SH3RF1: variants seen among roughly 807,000 people sequenced by gnomAD.
SH3RF1 encodes the protein E3 ubiquitin-protein ligase SH3RF1.
A neutral mutation model predicts 74.0 loss-of-function variants in SH3RF1; 32 were observed. The observed-to-expected ratio is 0.43, with a 90% CI of 0.33 to 0.58. The LOEUF is 0.58. Ranked by LOEUF, SH3RF1 falls within the 20% of genes least tolerant of loss-of-function variation. The pLI is 0.05. For synonymous variants in SH3RF1, 396 were observed against 439.6 expected, an observed-to-expected ratio of 0.90 and a Z score of 1.24; for missense variants, 954 against 1,130.9, an observed-to-expected ratio of 0.84 and a Z score of 2.24.
chr4:169,243,163 C>A (rs548923740), intron 2 of SH3RF1, among the ~76,000 whole-genome samples: 1 of 152,134 alleles, frequency 6.6e-6, no homozygotes, highest in Non-Finnish European at 1.5e-5. Context: ...ATGTTATTCT[C>A]ATTACAACTA....
intron 5 of SH3RF1, among the ~76,000 whole-genome samples, chr4:169,131,854 T>C (rs1257766021): frequency 1.3e-5 from 2 of 152,230 alleles, no homozygotes; most frequent in Admixed American, 6.5e-5. Flanking sequence ...TTTGTTTGCA[T>C]AGAAGTGCAA....
intron 2 of SH3RF1, among the ~76,000 whole-genome samples, chr4:169,236,475 A>C (rs1220132826): frequency 1.3e-5 from 2 of 152,220 alleles, no homozygotes; most frequent in Non-Finnish European, 2.9e-5. Context: ...GTTGTTTCTT[A>C]CTATTCCATA....
intron 2 of SH3RF1, among the ~76,000 whole-genome samples, chr4:169,191,546 C>A (rs1734710259): frequency 6.6e-6 from 1 of 152,006 alleles, no homozygotes; most frequent in Admixed American, 6.6e-5. Flanking sequence ...AAAAACAATT[C>A]TATAATTCAT....
chr4:169,166,072 A>G (rs1432701539), intron 2 of SH3RF1, among the ~76,000 whole-genome samples: 1 of 152,000 alleles, frequency 6.6e-6, no homozygotes, highest in Non-Finnish European at 1.5e-5. Flanking sequence ...TAAATTAACC[A>G]TAAGTTGACA....
intron 4 of SH3RF1, among the ~76,000 whole-genome samples, chr4:169,138,778 A>T (rs1400372781): frequency 6.6e-6 from 1 of 152,116 alleles, no homozygotes. Flanking sequence ...TATATTCAAC[A>T]TTGTGTTAGT....
chr4:169,137,285 G>C (rs996490546), intron 4 of SH3RF1, among the ~76,000 whole-genome samples: 5 of 152,140 alleles, frequency 3.3e-5, no homozygotes, highest in African/African-American at 4.8e-5. Flanking sequence ...TGAAATTCAA[G>C]TCCTATTGGC....
chr4:169,168,858 A>C (rs1734284754), intron 2 of SH3RF1, among the ~76,000 whole-genome samples: 1 of 152,192 alleles, frequency 6.6e-6, no homozygotes, highest in South Asian at 2.1e-4. Context: ...TAGGGGTGGA[A>C]TCTCAATAAT....
chr4:169,184,596 G>A (rs967099857), intron 2 of SH3RF1, among the ~76,000 whole-genome samples: 4 of 152,052 alleles, frequency 2.6e-5, no homozygotes, highest in Non-Finnish European at 4.4e-5. Flanking sequence ...TTCAATCCAC[G>A]GAGACCACTA....
intron 2 of SH3RF1, among the ~76,000 whole-genome samples, chr4:169,190,067 G>A (rs1734673636): frequency 6.6e-6 from 1 of 152,116 alleles, no homozygotes; most frequent in Non-Finnish European, 1.5e-5. Context: ...ATGGGACACA[G>A]CAAAAGGCAG....
At chr4:169,218,657 A>G (rs190460755) in intron 2 of SH3RF1, among the ~76,000 whole-genome samples, 17 of 151,746 alleles carry the variant, frequency 1.1e-4, no homozygotes, top group African/African-American at 3.9e-4. Flanking sequence ...CACCATCTCA[A>G]TCTAAAATGC....
At chr4:169,102,618 A>T (rs534803649) in intron 11 of SH3RF1, among the ~76,000 whole-genome samples, 1 of 151,522 alleles carries the variant, frequency 6.6e-6, no homozygotes, top group Non-Finnish European at 1.5e-5. Context: ...GCAATTTCCT[A>T]ATTATTTTTT....
intron 2 of SH3RF1, among the ~76,000 whole-genome samples, chr4:169,225,367 A>G (rs370898195): frequency 6.6e-6 from 1 of 152,188 alleles, no homozygotes; most frequent in East Asian, 1.9e-4. Flanking sequence ...ATTGTTTGGG[A>G]GTTATCAGCA....
At chr4:169,201,146 A>T (rs944954434) in intron 2 of SH3RF1, among the ~76,000 whole-genome samples, 42 of 152,352 alleles carry the variant, frequency 2.8e-4, no homozygotes, top group African/African-American at 9.9e-4. Context: ...CAATATTTTT[A>T]AAATTAACAT....
intron 11 of SH3RF1, among the ~76,000 whole-genome samples, chr4:169,104,297 T>TGGAG (rs983279295): frequency 4.0e-5 from 6 of 151,880 alleles, no homozygotes; most frequent in Non-Finnish European, 7.4e-5. Context: ...GATCAATGCC[T>TGGAG]GGAGGGAGGG....
At chr4:169,219,996 C>G (rs1730537726) in intron 2 of SH3RF1, 1 of 148,338 alleles carries the variant, frequency 6.7e-6, no homozygotes, top group Admixed American at 7.0e-5. Flanking sequence ...CTCTAAATTA[C>G]AGGAAAGACA....
chr4:169,145,057 C>G (rs1733851402), intron 4 of SH3RF1, among the ~76,000 whole-genome samples: 1 of 152,114 alleles, frequency 6.6e-6, no homozygotes, highest in African/African-American at 2.4e-5. Flanking sequence ...GAATAGTGTA[C>G]TTAACCCAGC....
At chr4:169,185,228 G>C (rs1475676766) in intron 2 of SH3RF1, among the ~76,000 whole-genome samples, 1 of 152,232 alleles carries the variant, frequency 6.6e-6, no homozygotes, top group Admixed American at 6.5e-5. Flanking sequence ...GAACAAGGCA[G>C]ATACGGCCTC....
intron 2 of SH3RF1, among the ~76,000 whole-genome samples, chr4:169,173,066 A>G (rs1734359027): frequency 2.0e-5 from 3 of 152,242 alleles, no homozygotes; most frequent in African/African-American, 7.2e-5. Context: ...ATTAAGATAT[A>G]CAAAGAGGAG....
chr4:169,184,241 T>G (rs1045919612), intron 2 of SH3RF1, among the ~76,000 whole-genome samples: 1 of 152,224 alleles, frequency 6.6e-6, no homozygotes, highest in Non-Finnish European at 1.5e-5. Flanking sequence ...CAGAAGAAAT[T>G]ATCTACTGAC....
Sources: gnomAD v4.1 joint callset for allele counts (sites outside exome capture counted in the v4.1 genomes callset) on GRCh38, gnomAD v4.1.1 for gene constraint, MANE v1.5 for transcripts, NCBI Gene and HGNC (gene_info 2026-07-23, HGNC 2026-07-21) for gene names.